DSCAM: variants seen among roughly 807,000 people sequenced by gnomAD.
DSCAM encodes the protein cell adhesion molecule DSCAM.
In DSCAM, 47 loss-of-function variants were observed where a neutral mutation model predicts 217.7. The ratio of observed to expected loss-of-function variants is 0.22; its 90% confidence interval spans 0.17 to 0.28. The LOEUF (loss-of-function observed/expected upper bound fraction) is 0.28, where lower values mean the gene tolerates loss of function less well. DSCAM is among the 10% of genes least tolerant of loss of function. The probability of loss-of-function intolerance (pLI) is 1.00; values close to 1 mark genes in which losing one functional copy is unlikely to be tolerated. For synonymous variants in DSCAM, 1,056 were observed against 1,015.3 expected, an observed-to-expected ratio of 1.04 and a Z score of -0.76; for missense variants, 2,080 against 2,618.3, an observed-to-expected ratio of 0.79 and a Z score of 4.49.
intron 11 of DSCAM, among the ~76,000 whole-genome samples, chr21:40,266,195 G>A (rs768825344): frequency 6.6e-6 from 1 of 151,978 alleles, no homozygotes; most frequent in Non-Finnish European, 1.5e-5. Flanking sequence ...CAAAGGACCT[G>A]AATGGATATT....
intron 10 of DSCAM, among the ~76,000 whole-genome samples, chr21:40,284,958 G>A (rs977818826): frequency 7.2e-5 from 11 of 152,178 alleles, no homozygotes; most frequent in Non-Finnish European, 2.9e-5. Flanking sequence ...CTAGATTAGT[G>A]TCTAATCAGG....
At chr21:40,295,016 A>T (rs1601525669) in intron 10 of DSCAM, among the ~76,000 whole-genome samples, 2 of 152,328 alleles carry the variant, frequency 1.3e-5, no homozygotes, top group East Asian at 3.9e-4. Flanking sequence ...GGAGGGTTGC[A>T]ACAAATGTAC....
intron 3 of DSCAM, among the ~76,000 whole-genome samples, chr21:40,684,062 TAAA>T (rs35767786): frequency 4.9e-5 from 7 of 144,224 alleles, no homozygotes; most frequent in Admixed American, 6.9e-5. Context: ...CTGTCTCTAC[TAAA>T]AAAAAAAAAA....
chr21:40,307,148 C>G (rs549464442), intron 9 of DSCAM, among the ~76,000 whole-genome samples: 1 of 151,874 alleles, frequency 6.6e-6, no homozygotes, highest in Non-Finnish European at 1.5e-5. Context: ...GAACAGGCAA[C>G]CTACAAAATG....
At chr21:40,415,761 C>CAA (rs2123804748) in intron 3 of DSCAM, among the ~76,000 whole-genome samples, 1 of 152,236 alleles carries the variant, frequency 6.6e-6, no homozygotes, top group African/African-American at 2.4e-5. Flanking sequence ...GGACCCTCTT[C>CAA]GAGGGTCTTC....
intron 20 of DSCAM, among the ~76,000 whole-genome samples, chr21:40,121,249 A>C (rs1219014967): frequency 2.0e-5 from 3 of 152,138 alleles, no homozygotes; most frequent in Admixed American, 6.5e-5. Flanking sequence ...CAAAACAAAA[A>C]AACACCCTCT....
chr21:40,448,240 T>C (rs527464279), intron 3 of DSCAM, among the ~76,000 whole-genome samples: 17 of 152,316 alleles, frequency 1.1e-4, no homozygotes, highest in Non-Finnish European at 2.2e-4. Context: ...GTAAACAAGA[T>C]GGCCCTCAGC....
At chr21:40,534,654 TC>T (rs1480961644) in intron 3 of DSCAM, among the ~76,000 whole-genome samples, 3 of 152,232 alleles carry the variant, frequency 2.0e-5, no homozygotes, top group Non-Finnish European at 4.4e-5. Context: ...TGAAAAACAT[TC>T]TTTACATTTG....
intron 4 of DSCAM, among the ~76,000 whole-genome samples, chr21:40,367,713 C>A (rs1244386332): frequency 6.6e-6 from 1 of 152,200 alleles, no homozygotes; most frequent in Non-Finnish European, 1.5e-5. Context: ...CTCCTGGCAT[C>A]TATCACCTCC....
intron 1 of DSCAM, among the ~76,000 whole-genome samples, chr21:40,819,308 C>T (rs904999479): frequency 9.9e-5 from 15 of 152,226 alleles, no homozygotes; most frequent in African/African-American, 3.6e-4. Flanking sequence ...CAAACCACAG[C>T]ACTGTGCTGG....
At chr21:40,687,393 C>T (rs2090491008) in intron 3 of DSCAM, among the ~76,000 whole-genome samples, 1 of 152,090 alleles carries the variant, frequency 6.6e-6, no homozygotes, top group African/African-American at 2.4e-5. Flanking sequence ...AAGATAGCAG[C>T]CACAGCATAG....
At chr21:40,207,345 T>C (rs2091136690) in intron 11 of DSCAM, among the ~76,000 whole-genome samples, 1 of 152,152 alleles carries the variant, frequency 6.6e-6, no homozygotes. Flanking sequence ...TCCAGTTTGG[T>C]AGGAGGTGGG....
intron 3 of DSCAM, among the ~76,000 whole-genome samples, chr21:40,552,299 G>A (rs2076636745): frequency 7.0e-6 from 1 of 142,300 alleles, no homozygotes; most frequent in Non-Finnish European, 1.5e-5. Context: ...GGGCAACAGA[G>A]TGACACTTCG....
At chr21:40,597,620 C>T (rs981279094) in intron 3 of DSCAM, among the ~76,000 whole-genome samples, 1 of 151,338 alleles carries the variant, frequency 6.6e-6, no homozygotes, top group Non-Finnish European at 1.5e-5. Context: ...TATTCTTCCC[C>T]CTCAGCCTCC....
intron 3 of DSCAM, among the ~76,000 whole-genome samples, chr21:40,470,282 C>G (rs114797065): frequency 0.019 from 2,826 of 152,314 alleles, 103 homozygotes; most frequent in African/African-American, 0.064. Context: ...ATTAATGTTA[C>G]GTGTCTGCCT....
At chr21:40,343,060 T>C (rs1272441803) in intron 6 of DSCAM, among the ~76,000 whole-genome samples, 3 of 152,168 alleles carry the variant, frequency 2.0e-5, no homozygotes, top group South Asian at 4.1e-4. Flanking sequence ...TCCTATCTTA[T>C]GTTTTATGTT....
At chr21:40,366,066 G>A (rs1409510303) in intron 4 of DSCAM, among the ~76,000 whole-genome samples, 2 of 151,910 alleles carry the variant, frequency 1.3e-5, no homozygotes, top group Admixed American at 6.6e-5. Context: ...CTGTCTAAAT[G>A]ATATTTTTCT....
chr21:40,335,813 T>C (rs2074424465), intron 8 of DSCAM, among the ~76,000 whole-genome samples: 2 of 152,196 alleles, frequency 1.3e-5, no homozygotes, highest in South Asian at 4.1e-4. Flanking sequence ...ATCGTTTTCA[T>C]GACAATGCTG....
chr21:40,191,773 C>T (rs538222158), intron 11 of DSCAM, among the ~76,000 whole-genome samples: 1 of 152,310 alleles, frequency 6.6e-6, no homozygotes, highest in African/African-American at 2.4e-5. Context: ...CCTCTTCCAG[C>T]TTCTGGTGGC....
Sources: allele counts gnomAD v4.1 joint callset (sites outside exome capture counted in the v4.1 genomes callset), GRCh38; gene constraint gnomAD v4.1.1; transcripts MANE v1.5; gene names NCBI Gene and HGNC (gene_info 2026-07-23, HGNC 2026-07-21).